The following GMDS variants were observed in gnomAD, a reference collection of about 807,000 sequenced individuals.
The protein encoded by GMDS is GDP-mannose 4,6-dehydratase.
Under a neutral mutation model 49.9 loss-of-function variants are expected in GMDS, and 20 were observed. The observed-to-expected ratio is 0.40, with a 90% CI of 0.28 to 0.58. GMDS has a LOEUF of 0.58. GMDS is among the 20% of genes least tolerant of loss of function. The pLI is 0.42. For synonymous variants in GMDS, 177 were observed against 178.6 expected (o/e 0.99, Z 0.07); for missense variants, 362 against 481.4 (o/e 0.75, Z 2.32).
intron 4 of GMDS, among the ~76,000 whole-genome samples, chr6:1,990,300 A>AAAAG (rs1384244018): frequency 6.6e-6 from 1 of 152,138 alleles, no homozygotes; most frequent in Non-Finnish European, 1.5e-5. Context: ...TCTCAAAAGA[A>AAAAG]AAAGAAAGAA....
intron 4 of GMDS, among the ~76,000 whole-genome samples, chr6:2,059,474 C>T (rs111306429): frequency 1.0e-4 from 15 of 150,082 alleles, no homozygotes; most frequent in African/African-American, 2.7e-4. Context: ...TTTGGGAGGC[C>T]GAGGCGGGTG....
intron 9 of GMDS, among the ~76,000 whole-genome samples, chr6:1,683,390 T>C (rs1321981638): frequency 2.0e-5 from 3 of 152,234 alleles, no homozygotes; most frequent in Non-Finnish European, 2.9e-5. Context: ...CCCAAAGTGC[T>C]GGGATTACAG....
At chr6:1,873,788 A>G (rs1184532141) in intron 7 of GMDS, among the ~76,000 whole-genome samples, 1 of 152,214 alleles carries the variant, frequency 6.6e-6, no homozygotes, top group Non-Finnish European at 1.5e-5. Context: ...AGCTGGTGAC[A>G]GCAGGAAAAC....
intron 7 of GMDS, among the ~76,000 whole-genome samples, chr6:1,789,494 A>G (rs896339535): frequency 2.0e-5 from 3 of 151,558 alleles, no homozygotes; most frequent in African/African-American, 7.3e-5. Flanking sequence ...TAAGTTAGAT[A>G]GAACTTGACA....
intron 7 of GMDS, among the ~76,000 whole-genome samples, chr6:1,770,091 T>TG (rs1768519348): frequency 6.6e-6 from 1 of 152,220 alleles, no homozygotes; most frequent in African/African-American, 2.4e-5. Context: ...TACAACATTT[T>TG]GGGGTTCTCT....
intron 7 of GMDS, among the ~76,000 whole-genome samples, chr6:1,801,727 T>C (rs1286695384): frequency 6.6e-6 from 1 of 152,228 alleles, no homozygotes; most frequent in African/African-American, 2.4e-5. Flanking sequence ...TTTCCAAGAC[T>C]ATGTTTTCCG....
chr6:2,208,336 C>T (rs1695187179), intron 1 of GMDS, among the ~76,000 whole-genome samples: 2 of 152,210 alleles, frequency 1.3e-5, no homozygotes, highest in African/African-American at 2.4e-5. Flanking sequence ...CTGAACAGTG[C>T]AGTTAGCTTA....
At position 1,635,427 on chromosome 6, in the gene GMDS, G is replaced by A. The variant is rs987412413; in HGVS notation, c.988-10887C>T. ...CTCCGGCTGCAGCAGGAGGAAGTCCGAGAGGGGGCCTTTCACATGACATCA... is the reference window on the plus strand; with the variant it reads ...CTCCGGCTGCAGCAGGAGGAAGTCCAAGAGGGGGCCTTTCACATGACATCA... On this transcript the variant is annotated intron_variant, in intron 9 of 10. Transcript: ENST00000380815. This position sits in a 1 kb window ranked among gnomAD's most constrained non-coding sequence, Gnocchi z 4.7. 2.0e-5 allele frequency among the ~76,000 whole-genome samples: 3 copies of A among 152,210 alleles called. No homozygotes were observed. Among genetic ancestry groups the A allele is most frequent in the East Asian group, 3.8e-4 (2 of 5,198 alleles).
At chr6:1,804,723 G>T (rs1298550136) in intron 7 of GMDS, among the ~76,000 whole-genome samples, 1 of 149,286 alleles carries the variant, frequency 6.7e-6, no homozygotes, top group Non-Finnish European at 1.5e-5. Context: ...TTATCAATAG[G>T]TTTTTTTTTT....
intron 4 of GMDS, among the ~76,000 whole-genome samples, chr6:2,013,925 C>T (rs1312628281): frequency 2.4e-5 from 3 of 125,122 alleles, no homozygotes; most frequent in Admixed American, 8.0e-5. Flanking sequence ...GGATAAAAAC[C>T]ATATATATAT....
intron 9 of GMDS, among the ~76,000 whole-genome samples, chr6:1,703,137 C>T (rs1028488380): frequency 2.0e-5 from 3 of 152,140 alleles, no homozygotes; most frequent in African/African-American, 7.2e-5. Context: ...GTCGGCAACT[C>T]CTGTGTGAAA....
chr6:2,238,054 C>T (rs1781446752), intron 1 of GMDS, among the ~76,000 whole-genome samples: 1 of 152,016 alleles, frequency 6.6e-6, no homozygotes, highest in South Asian at 2.1e-4. Flanking sequence ...AGGACTTGCC[C>T]ACTCTACAGC....
At chr6:1,838,983 C>T (rs150224495) in intron 7 of GMDS, among the ~76,000 whole-genome samples, 206 of 152,246 alleles carry the variant, frequency 1.4e-3, no homozygotes, top group Non-Finnish European at 2.4e-3. Context: ...ATCACATTAC[C>T]TAAGTACAAC....
intron 4 of GMDS, among the ~76,000 whole-genome samples, chr6:2,029,844 T>C (rs928859098): frequency 6.6e-5 from 10 of 152,168 alleles, no homozygotes; most frequent in African/African-American, 2.4e-4. Context: ...GGTACTTTAA[T>C]TTAAATATAA....
At chr6:1,733,573 T>C (rs551754557) in intron 8 of GMDS, among the ~76,000 whole-genome samples, 2 of 152,212 alleles carry the variant, frequency 1.3e-5, no homozygotes, top group African/African-American at 2.4e-5. Context: ...TCCCAGTACT[T>C]TGGGAAGCCG....
intron 7 of GMDS, among the ~76,000 whole-genome samples, chr6:1,832,723 A>G (rs1756719493): frequency 6.6e-6 from 1 of 152,214 alleles, no homozygotes; most frequent in South Asian, 2.1e-4. Flanking sequence ...TTTCAGTGAG[A>G]AAAGAATGAA....
chr6:2,048,534 C>A (rs1401431124), intron 4 of GMDS, among the ~76,000 whole-genome samples: 1 of 152,200 alleles, frequency 6.6e-6, no homozygotes, highest in Non-Finnish European at 1.5e-5. Flanking sequence ...TTTGCATTTA[C>A]ATATATATTT....
At chr6:1,930,044 G>A in intron 7 of GMDS, 59 bp downstream of exon 7, 1 of 1,471,072 alleles carries the variant, frequency 6.8e-7, no homozygotes, top group Admixed American at 1.8e-5. Context: ...CTGTACGCTT[G>A]GCATTTAGAA....
At chr6:1,889,350 C>A (rs929194185) in intron 7 of GMDS, among the ~76,000 whole-genome samples, 9 of 152,118 alleles carry the variant, frequency 5.9e-5, no homozygotes, top group Admixed American at 1.3e-4. Context: ...TATTCTGTGC[C>A]ATCCTGGTTT....
Sources: gnomAD v4.1 joint callset for allele counts (sites outside exome capture counted in the v4.1 genomes callset) on GRCh38, gnomAD v4.1.1 for gene constraint, Gnocchi (gnomAD v3.1) non-coding constraint, MANE v1.5 for transcripts, NCBI Gene and HGNC (gene_info 2026-07-23, HGNC 2026-07-21) for gene names.